PPP2R2A: variants seen among roughly 807,000 people sequenced by gnomAD.
PPP2R2A encodes the protein serine/threonine-protein phosphatase 2A 55 kDa regulatory subunit B alpha isoform.
In PPP2R2A, 9 loss-of-function variants were observed where a neutral mutation model predicts 53.2. The ratio of observed to expected loss-of-function variants is 0.17; its 90% CI spans 0.10 to 0.30. The LOEUF is 0.30. PPP2R2A is among the 10% of genes least tolerant of loss of function. The probability of loss-of-function intolerance (pLI) is 1.00; values close to 1 mark genes in which losing one functional copy is unlikely to be tolerated. For missense variants in PPP2R2A, 235 were observed against 534.6 expected (o/e 0.44, Z 5.53); for synonymous variants, 169 against 174.2 (o/e 0.97, Z 0.23).
chr8:26,366,567 T>C (rs923837084), intron 9 of PPP2R2A, among the ~76,000 whole-genome samples, 161 bp downstream of exon 9: 1 of 152,210 alleles, frequency 6.6e-6, no homozygotes, highest in African/African-American at 2.4e-5. Flanking sequence ...AGCATTGTAT[T>C]TCACTAGTAA....
At chr8:26,336,610 A>C (rs928327524) in intron 2 of PPP2R2A, among the ~76,000 whole-genome samples, 1 of 152,140 alleles carries the variant, frequency 6.6e-6, no homozygotes, top group African/African-American at 2.4e-5. Context: ...TGGGTATGGT[A>C]GCGCTTGCAA....
At chr8:26,303,765 G>T (rs758921643) in intron 2 of PPP2R2A, among the ~76,000 whole-genome samples, 1 of 151,970 alleles carries the variant, frequency 6.6e-6, no homozygotes, top group Admixed American at 6.6e-5. Context: ...AAAAAACTCC[G>T]CTAATTTTTA....
rs1805234839 is a variant in PPP2R2A, at chr8:26,363,781, T to C, written c.863T>C (p.Ile288Thr). The change falls in exon 8 of 10, where the codon ATT becomes ACT. Residue 288 changes from isoleucine (I) to threonine (T), a missense_variant. By Grantham distance (89) the Ile-to-Thr change is moderately conservative. Transcript: ENST00000380737. ...TTTTTTTCCGAAATCATCTCCTCTA[T>C]TTCGGATGTAAAATTCAGCCATAGT... ...RSFFSEIISSISDVKFSHSGR... is the reference protein window; with the variant it reads ...RSFFSEIISSTSDVKFSHSGR... 6.2e-7 allele frequency: 1 copy of C among 1,608,460 alleles called. No homozygotes were observed. The highest frequency in any genetic ancestry group is 2.2e-5 in the East Asian group (1 of 44,694).
intron 4 of PPP2R2A, chr8:26,358,903 T>C (rs1804931265): frequency 2.2e-6 from 1 of 455,836 alleles, no homozygotes; most frequent in African/African-American, 2.0e-5. Context: ...TTTCTCCCTT[T>C]AAGTACAGGC....
intron 3 of PPP2R2A, among the ~76,000 whole-genome samples, chr8:26,346,497 C>A (rs901208447): frequency 6.6e-6 from 1 of 152,148 alleles, no homozygotes. Context: ...CACATTAGAT[C>A]AGTCATCTGC....
intron 2 of PPP2R2A, among the ~76,000 whole-genome samples, chr8:26,307,437 T>C (rs1802072321): frequency 6.6e-6 from 1 of 152,204 alleles, no homozygotes; most frequent in Non-Finnish European, 1.5e-5. Context: ...ATAGGCTAGA[T>C]CCTAAAGACA....
chr8:26,338,908 T>A lies in PPP2R2A; in HGVS notation c.101T>A (p.Val34Glu). 1 of 1,597,084 alleles carries A rather than the reference T, an allele frequency of 6.3e-7. No individual in the cohort carries two copies. Among genetic ancestry groups the A allele is most frequent in the Non-Finnish European group, 8.6e-7 (1 of 1,165,202 alleles). Residue 34 changes from valine to glutamate, a missense_variant, in exon 3 of 10, where the codon GTA becomes GAA. Physicochemically the swap from Val to Glu is moderately radical, Grantham distance 121. This residue lies in a region of PPP2R2A where 51 missense variants were observed against 80.6 expected (regional missense o/e 0.63). Coordinates refer to ENST00000380737, the MANE Select transcript of PPP2R2A (RefSeq NM_002717.4). The surrounding 1 kb of genome is among the most constrained non-coding windows in gnomAD (Gnocchi z 4.5). ...DVAEADIISTVEFNHSGELLA... is the reference protein window; with the variant it reads ...DVAEADIISTEEFNHSGELLA... ...TATACAGCAGATATAATTTCTACAG[T>A]AGAATTTAATCATTCTGGAGAATTA...
chr8:26,330,332 C>G (rs1414450607), intron 2 of PPP2R2A, among the ~76,000 whole-genome samples: 1 of 129,272 alleles, frequency 7.7e-6, no homozygotes, highest in Non-Finnish European at 1.6e-5. Flanking sequence ...TTTTTTGAGA[C>G]ACAGTCTGGC....
chr8:26,327,144 A>G (rs1165154539), intron 2 of PPP2R2A, among the ~76,000 whole-genome samples: 6 of 152,172 alleles, frequency 3.9e-5, no homozygotes, highest in Non-Finnish European at 8.8e-5. Context: ...TTAGCTGACT[A>G]GAGTGCCTGG....
At chr8:26,303,342 A>G (rs185976623) in intron 2 of PPP2R2A, among the ~76,000 whole-genome samples, 8 of 152,306 alleles carry the variant, frequency 5.3e-5, no homozygotes, top group Non-Finnish European at 7.3e-5. Flanking sequence ...GCTCAGGTCC[A>G]ACTATCAGGA....
chr8:26,305,106 C>A (rs1801957125), intron 2 of PPP2R2A, among the ~76,000 whole-genome samples: 1 of 152,102 alleles, frequency 6.6e-6, no homozygotes, highest in South Asian at 2.1e-4. Flanking sequence ...TGGCAGCTAC[C>A]ATTCTACTTT....
chr8:26,372,168 T>G lies in PPP2R2A; in HGVS notation c.*1755T>G, dbSNP rs1805689149. ...AATAAAATTACTGTATCTTTTGGAT[T>G]TAACAAATTTGTATTTGAAACACAT... On this transcript the variant is annotated 3_prime_UTR_variant, in exon 10 of 10. Transcript: ENST00000380737. The G allele has an allele frequency of 6.6e-6, 1 of 152,226 alleles. No homozygotes were observed. The highest frequency in any genetic ancestry group is 1.5e-5 in the Non-Finnish European group (1 of 68,028). The allele number at this position is 152,226 out of a possible 1,614,324, so 9.4% of individuals were successfully genotyped here.
Position 26,344,548 on chromosome 8 carries a change from G to C in PPP2R2A, c.180+5561G>C, listed in dbSNP as rs532361230. ...GATCTGTTTTCTGTCATAGGTGTTA[G>C]AGGGGAAAATGGACTAAGAGTTGAA... On this transcript the variant is annotated intron_variant, in intron 3 of 9. Coordinates refer to ENST00000380737, the MANE Select transcript of PPP2R2A (RefSeq NM_002717.4). Among the ~76,000 whole-genome samples the C allele has an allele frequency of 2.8e-4, 43 of 152,290 alleles. No individual in the cohort carries two copies. The South Asian group carries it at 5.8e-3, about 21-fold the overall frequency.
At position 26,334,621 on chromosome 8, in the gene PPP2R2A, T is replaced by C. The variant is rs187725137; in HGVS notation, c.83-4269T>C. ...TTAGCCGGTGGTGGTGGCAGGTGCCTGTAGTCCCAGCTACTCAGGAGGCTG... is the reference window on the plus strand; with the variant it reads ...TTAGCCGGTGGTGGTGGCAGGTGCCCGTAGTCCCAGCTACTCAGGAGGCTG... On this transcript the variant is annotated intron_variant, in intron 2 of 9. Transcript: ENST00000380737. 7.9e-5 allele frequency among the ~76,000 whole-genome samples: 12 copies of C among 152,064 alleles called. No homozygotes were observed. In the East Asian group the frequency reaches 2.3e-3, roughly 30 times the overall value.
intron 7 of PPP2R2A, 189 bp from the exon 8 acceptor site, chr8:26,363,532 C>A: frequency 2.0e-6 from 1 of 507,186 alleles, no homozygotes; most frequent in Non-Finnish European, 3.4e-6. Context: ...GCATCTTCAA[C>A]TTCAATATTC....
intron 2 of PPP2R2A, among the ~76,000 whole-genome samples, chr8:26,332,092 AC>A: frequency 6.6e-6 from 1 of 152,292 alleles, no homozygotes; most frequent in Middle Eastern, 3.4e-3. Flanking sequence ...GCAGTGGCTC[AC>A]GCCTGTAATC....
At chr8:26,355,576 AAT>A (rs1804734756) in intron 4 of PPP2R2A, among the ~76,000 whole-genome samples, 1 of 152,104 alleles carries the variant, frequency 6.6e-6, no homozygotes, top group African/African-American at 2.4e-5. Context: ...AAAAGTTAGT[AAT>A]GACAGGCCGG....
chr8:26,324,605 G>A (rs906725680), intron 2 of PPP2R2A, among the ~76,000 whole-genome samples: 5 of 152,144 alleles, frequency 3.3e-5, no homozygotes, highest in African/African-American at 9.7e-5. Flanking sequence ...ATGTGGGGTC[G>A]GAGCCCCCAC....
rs535898651 is a variant in PPP2R2A at position 26,359,672 on chromosome 8, C to T, written c.347-497C>T. Among the ~76,000 whole-genome samples the T allele has an allele frequency of 2.6e-5, 4 of 152,136 alleles. No homozygotes were observed. The South Asian group carries it at 8.3e-4, about 32-fold the overall frequency. ...GGTTTTAAAAAGGAGGCATCCAGTC[C>T]TATGGAGGCCTCTGTGGAATCTTTG... On this transcript the variant is annotated intron_variant, in intron 4 of 9. Coordinates refer to ENST00000380737, the MANE Select transcript of PPP2R2A (RefSeq NM_002717.4).
Sources: allele counts gnomAD v4.1 joint callset (sites outside exome capture counted in the v4.1 genomes callset), GRCh38; gene constraint gnomAD v4.1.1; regional missense constraint gnomAD v4.1.1; non-coding constraint Gnocchi (gnomAD v3.1); transcripts MANE v1.5; gene names NCBI Gene and HGNC (gene_info 2026-07-23, HGNC 2026-07-21).